Variants in B3GALNT1 observed in about 807,000 individuals in gnomAD.
B3GALNT1 encodes the protein beta-1,3-N-acetylgalactosaminyltransferase 1 (Globoside blood group).
A neutral mutation model predicts 27.3 loss-of-function variants in B3GALNT1; 17 were observed. The ratio of observed to expected loss-of-function variants is 0.62; its 90% CI spans 0.43 to 0.94. B3GALNT1 has a LOEUF of 0.94. Among genes scored for constraint, B3GALNT1 ranks in the 40% least tolerant of loss-of-function variants. B3GALNT1 has a pLI of 0.00. For synonymous variants in B3GALNT1, 141 were observed against 144.0 expected (o/e 0.98, Z 0.15); for missense variants, 347 against 390.0 (o/e 0.89, Z 0.93).
intron 4 of B3GALNT1, among the ~76,000 whole-genome samples, chr3:161,092,446 T>C: frequency 6.6e-6 from 1 of 152,258 alleles, no homozygotes; most frequent in Admixed American, 6.5e-5. Context: ...ATGATTTTTT[T>C]CTAATGGGAC....
chr3:161,092,694 C>T (rs1189771822), intron 4 of B3GALNT1, among the ~76,000 whole-genome samples: 2 of 151,114 alleles, frequency 1.3e-5, no homozygotes, highest in Non-Finnish European at 2.9e-5. Flanking sequence ...CACCCTAAAT[C>T]TTGACTGCAA....
At position 161,103,347 on chromosome 3, in the gene B3GALNT1, T is replaced by G. The variant is rs974139396; in HGVS notation, c.-130+80A>C. 82 of 567,930 alleles carry G rather than the reference T, an allele frequency of 1.4e-4. 2 individuals are homozygous for G. The South Asian group carries it at 1.5e-3, about 10-fold the overall frequency. The allele number at this position is 567,930 out of a possible 1,614,324, so 35.2% of individuals were successfully genotyped here. On this transcript the variant is annotated intron_variant, in intron 3 of 4. Coordinates refer to ENST00000320474, the MANE Select transcript of B3GALNT1 (RefSeq NM_003781.4). ...AACTTCGTGGCTGCATCAACGATACTTAAAACCTTGTAAAGGGCATTATTA... is the reference window on the plus strand; with the variant it reads ...AACTTCGTGGCTGCATCAACGATACGTAAAACCTTGTAAAGGGCATTATTA...
chr3:161,100,239 T>C (rs1730495148), intron 4 of B3GALNT1, among the ~76,000 whole-genome samples: 1 of 152,208 alleles, frequency 6.6e-6, no homozygotes, highest in Non-Finnish European at 1.5e-5. Flanking sequence ...TTTTGGCATA[T>C]TTTAAATTGT....
At chr3:161,095,896 T>C (rs1361288499) in intron 4 of B3GALNT1, among the ~76,000 whole-genome samples, 1 of 152,196 alleles carries the variant, frequency 6.6e-6, no homozygotes, top group Non-Finnish European at 1.5e-5. Context: ...AATTCGCCCA[T>C]CCACCCACTC....
At chr3:161,104,612 T>C (rs547708225) in intron 1 of B3GALNT1, 8 of 285,164 alleles carry the variant, frequency 2.8e-5, no homozygotes, top group South Asian at 2.1e-4. Flanking sequence ...ACACTGCCTG[T>C]AGGAATCCTG....
Position 161,084,684 on chromosome 3 carries a change from A to C in B3GALNT1, c.*1075T>G, listed in dbSNP as rs1178694313. ...ATATTAGGGCTTTCATCTTGATGAG[A>C]AACTCATAACAGCAGCAGCTCAAAC... is the stretch of plus-strand genomic sequence containing the variant. On this transcript the variant is annotated 3_prime_UTR_variant, in exon 5 of 5. Transcript: ENST00000320474. 6.6e-6 allele frequency: 1 copy of C among 152,206 alleles called. No homozygotes were observed. The highest frequency in any genetic ancestry group is 1.5e-5 in the Non-Finnish European group (1 of 68,010). 9.4% of individuals were successfully genotyped at this position (152,206 alleles called of 1,614,324 possible).
intron 4 of B3GALNT1, among the ~76,000 whole-genome samples, chr3:161,099,806 TCTAA>T (rs1261412643): frequency 2.7e-5 from 4 of 150,746 alleles, no homozygotes; most frequent in Admixed American, 2.0e-4. Context: ...GTCCCCCTTC[TCTAA>T]CACACACACA....
At chr3:161,093,319 T>C (rs1008833946) in intron 4 of B3GALNT1, among the ~76,000 whole-genome samples, 1 of 152,196 alleles carries the variant, frequency 6.6e-6, no homozygotes. Context: ...TATCAATCAA[T>C]AAAAATATTT....
At chr3:161,098,404 A>G (rs995654729) in intron 4 of B3GALNT1, among the ~76,000 whole-genome samples, 6 of 152,146 alleles carry the variant, frequency 3.9e-5, no homozygotes, top group African/African-American at 1.2e-4. Context: ...AGAGGTGAAG[A>G]GTTGTCAGAG....
chr3:161,102,582 G>T (rs944974676), intron 3 of B3GALNT1, among the ~76,000 whole-genome samples: 1 of 152,170 alleles, frequency 6.6e-6, no homozygotes, highest in African/African-American at 2.4e-5. Flanking sequence ...TAGTATAAAA[G>T]CATTGTCCAT....
At chr3:161,100,236 A>G (rs1346253437) in intron 4 of B3GALNT1, among the ~76,000 whole-genome samples, 1 of 152,236 alleles carries the variant, frequency 6.6e-6, no homozygotes, top group East Asian at 1.9e-4. Context: ...TCATTTTGGC[A>G]TATTTTAAAT....
In B3GALNT1 at chr3:161,085,704, T is replaced by C; in HGVS notation, c.*55A>G. The C allele has an allele frequency of 6.9e-6, 11 of 1,598,348 alleles. No individual in the cohort carries two copies. Among genetic ancestry groups the C allele is most frequent in the Non-Finnish European group, 9.4e-6 (11 of 1,165,960 alleles). ...TGAATTTTCCACAGTACCTACTTTA[T>C]TTAACACTTTCCACAAAGTATCCTG... is the stretch of plus-strand genomic sequence containing the variant. On this transcript the variant is annotated 3_prime_UTR_variant, in exon 5 of 5. Coordinates refer to ENST00000320474, the MANE Select transcript of B3GALNT1 (RefSeq NM_003781.4).
At chr3:161,091,465 A>C (rs1289387398) in intron 4 of B3GALNT1, among the ~76,000 whole-genome samples, 3 of 152,180 alleles carry the variant, frequency 2.0e-5, no homozygotes, top group Admixed American at 6.5e-5. Flanking sequence ...GTAATATGAC[A>C]AAATCTCGCA....
intron 4 of B3GALNT1, among the ~76,000 whole-genome samples, chr3:161,087,603 T>C (rs891252541): frequency 2.0e-5 from 3 of 152,164 alleles, no homozygotes; most frequent in Non-Finnish European, 4.4e-5. Flanking sequence ...ATCAGAATCA[T>C]GGGATGGAAA....
Position 161,085,674 on chromosome 3 carries a change from C to T in B3GALNT1, c.*85G>A. On this transcript the variant is annotated 3_prime_UTR_variant, in exon 5 of 5. Transcript: ENST00000320474. Reference sequence around the variant, plus strand: ...TCAGTGTAAGCCAGCACACTGACCTCCCCATGAATTTTCCACAGTACCTAC... The same window carrying T: ...TCAGTGTAAGCCAGCACACTGACCTTCCCATGAATTTTCCACAGTACCTAC... The T allele has an allele frequency of 6.8e-7, 1 of 1,468,746 alleles. No homozygotes were observed. The highest frequency in any genetic ancestry group is 9.5e-7 in the Non-Finnish European group (1 of 1,049,930). 91.0% of individuals were successfully genotyped at this position (1,468,746 alleles called of 1,614,324 possible). A position where few individuals can be genotyped will look rare whatever the true frequency, so the allele number is the denominator to read the frequency against.
At chr3:161,095,608 C>A (rs1727698837) in intron 4 of B3GALNT1, among the ~76,000 whole-genome samples, 1 of 152,090 alleles carries the variant, frequency 6.6e-6, no homozygotes, top group African/African-American at 2.4e-5. Flanking sequence ...TGCTACTGAC[C>A]CCTGTAAGGA....
intron 3 of B3GALNT1, among the ~76,000 whole-genome samples, chr3:161,101,558 C>T (rs368426136): frequency 1.4e-4 from 21 of 152,030 alleles, no homozygotes; most frequent in Non-Finnish European, 1.5e-5. Context: ...CTCAAGTTGC[C>T]GACACTCAAT....
At chr3:161,088,342 T>C (rs1000969912) in intron 4 of B3GALNT1, among the ~76,000 whole-genome samples, 1 of 152,240 alleles carries the variant, frequency 6.6e-6, no homozygotes. Flanking sequence ...TCCACGTATA[T>C]GTGTCTTGCC....
At chr3:161,088,934 G>A (rs1723492246) in intron 4 of B3GALNT1, among the ~76,000 whole-genome samples, 1 of 152,178 alleles carries the variant, frequency 6.6e-6, no homozygotes, top group Admixed American at 6.5e-5. Flanking sequence ...TGTGACTATG[G>A]TTATGATGTC....
Sources: gnomAD v4.1 joint callset for allele counts (sites outside exome capture counted in the v4.1 genomes callset) on GRCh38, gnomAD v4.1.1 for gene constraint, MANE v1.5 for transcripts, NCBI Gene and HGNC (gene_info 2026-07-23, HGNC 2026-07-21) for gene names.